SLC4A4: variants seen among roughly 807,000 people sequenced by gnomAD.
SLC4A4 encodes the protein electrogenic sodium bicarbonate cotransporter 1.
Under a neutral mutation model 111.5 loss-of-function variants are expected in SLC4A4, and 27 were observed. The ratio of observed to expected loss-of-function variants is 0.24; its 90% CI spans 0.18 to 0.33. The LOEUF is 0.33. Among genes scored for constraint, SLC4A4 ranks in the 10% least tolerant of loss-of-function variants. The pLI is 1.00. For synonymous variants in SLC4A4, 443 were observed against 463.4 expected (o/e 0.96, Z 0.57); for missense variants, 909 against 1,315.5 (o/e 0.69, Z 4.78).
intron 7 of SLC4A4, 127 bp from the exon 8 acceptor site, chr4:71,440,489 T>C (rs1005276849): frequency 5.0e-6 from 5 of 1,004,862 alleles, no homozygotes; most frequent in African/African-American, 4.8e-5. Flanking sequence ...GCATGTCAAT[T>C]TGTAAAAAGG....
At chr4:71,331,680 T>C (rs977714310) in intron 3 of SLC4A4, among the ~76,000 whole-genome samples, 2 of 150,132 alleles carry the variant, frequency 1.3e-5, no homozygotes, top group Admixed American at 6.7e-5. Flanking sequence ...TGTATACATA[T>C]GTAACAAACC....
intron 6 of SLC4A4, among the ~76,000 whole-genome samples, chr4:71,396,134 G>A (rs79732872): frequency 0.062 from 9,461 of 152,076 alleles, 450 homozygotes; most frequent in Non-Finnish European, 0.093. Flanking sequence ...CCTTCAAAGG[G>A]GTTCTTTTAA....
At chr4:71,399,944 G>A (rs1720205110) in intron 7 of SLC4A4, among the ~76,000 whole-genome samples, 1 of 152,108 alleles carries the variant, frequency 6.6e-6, no homozygotes, top group Non-Finnish European at 1.5e-5. Flanking sequence ...GGGTACATTG[G>A]TAGATACATA....
At chr4:71,084,912 A>G (rs1305501832) in intron 1 of SLC4A4, among the ~76,000 whole-genome samples, 1 of 152,068 alleles carries the variant, frequency 6.6e-6, no homozygotes, top group East Asian at 1.9e-4. Flanking sequence ...TCCTTTGGGT[A>G]TATACCCAGT....
At chr4:71,563,707 A>T in intron 23 of SLC4A4, 86 bp from the exon 24 acceptor site, 1 of 864,728 alleles carries the variant, frequency 1.2e-6, no homozygotes, top group South Asian at 1.3e-5. Flanking sequence ...GTAAATGATT[A>T]TAGAAAACGG....
chr4:71,525,890 T>C (rs1733372273), intron 16 of SLC4A4, among the ~76,000 whole-genome samples: 1 of 152,056 alleles, frequency 6.6e-6, no homozygotes, highest in Admixed American at 6.6e-5. Context: ...AAACAAATGA[T>C]GAAAGAAAAT....
At chr4:71,082,319 G>A (rs980460955) in intron 1 of SLC4A4, among the ~76,000 whole-genome samples, 7 of 147,568 alleles carry the variant, frequency 4.7e-5, no homozygotes, top group Non-Finnish European at 1.1e-4. Flanking sequence ...TTTCAAACAC[G>A]TTATTTGCAA....
intron 9 of SLC4A4, 35 bp from the exon 10 acceptor site, chr4:71,450,354 C>T (rs749569264): frequency 6.6e-7 from 1 of 1,523,290 alleles, no homozygotes; most frequent in Admixed American, 1.7e-5. Flanking sequence ...ACAGAGTTAT[C>T]TTTTTGGATG....
intron 6 of SLC4A4, among the ~76,000 whole-genome samples, chr4:71,364,442 T>C (rs1731062795): frequency 6.6e-6 from 1 of 152,162 alleles, no homozygotes; most frequent in Non-Finnish European, 1.5e-5. Context: ...ATAGCTTAGA[T>C]TGGGTAATTT....
chr4:71,237,149 G>C (rs1230985900), intron 2 of SLC4A4, among the ~76,000 whole-genome samples: 1 of 152,160 alleles, frequency 6.6e-6, no homozygotes, highest in Non-Finnish European at 1.5e-5. Context: ...GTTAGGAAAA[G>C]ATGGACAAGC....
intron 16 of SLC4A4, among the ~76,000 whole-genome samples, chr4:71,515,207 T>C (rs551128088): frequency 1.3e-5 from 2 of 152,172 alleles, no homozygotes; most frequent in African/African-American, 4.8e-5. Flanking sequence ...ATTTTTTTGA[T>C]TTTCATCTTA....
At chr4:71,510,484 C>A (rs1157127103) in intron 16 of SLC4A4, among the ~76,000 whole-genome samples, 1 of 152,098 alleles carries the variant, frequency 6.6e-6, no homozygotes, top group East Asian at 1.9e-4. Context: ...ATCCCTTTAT[C>A]ATTATATGAT....
At chr4:71,529,561 C>G (rs1259145467) in intron 16 of SLC4A4, among the ~76,000 whole-genome samples, 1 of 151,952 alleles carries the variant, frequency 6.6e-6, no homozygotes, top group Non-Finnish European at 1.5e-5. Context: ...GCTGAGAATG[C>G]CTCCTCTACC....
At chr4:71,196,604 C>T (rs775702126) in intron 1 of SLC4A4, among the ~76,000 whole-genome samples, 6 of 151,828 alleles carry the variant, frequency 4.0e-5, no homozygotes, top group African/African-American at 9.7e-5. Context: ...GTTGTCTACA[C>T]AGTATACTTT....
intron 2 of SLC4A4, among the ~76,000 whole-genome samples, chr4:71,147,935 T>C (rs940472737): frequency 1.3e-5 from 2 of 152,138 alleles, no homozygotes; most frequent in Non-Finnish European, 2.9e-5. Flanking sequence ...CTGGGCTGGT[T>C]TCAAGAAAGT....
intron 2 of SLC4A4, among the ~76,000 whole-genome samples, chr4:71,174,130 A>G (rs1337745102): frequency 1.3e-5 from 2 of 152,180 alleles, no homozygotes; most frequent in Non-Finnish European, 2.9e-5. Context: ...TACAACAGCT[A>G]TGAACTGGGT....
At chr4:71,424,685 G>A (rs1033377883) in intron 7 of SLC4A4, among the ~76,000 whole-genome samples, 25 of 151,976 alleles carry the variant, frequency 1.6e-4, no homozygotes, top group Non-Finnish European at 2.6e-4. Context: ...GTTCATATCC[G>A]TTGTAGGGAC....
intron 2 of SLC4A4, among the ~76,000 whole-genome samples, chr4:71,173,520 A>T (rs1166466954): frequency 6.6e-6 from 1 of 152,192 alleles, no homozygotes. Flanking sequence ...AGCTGGGATT[A>T]CAGGCACATG....
intron 9 of SLC4A4, among the ~76,000 whole-genome samples, chr4:71,450,174 T>C (rs1725625857): frequency 6.6e-6 from 1 of 152,174 alleles, no homozygotes; most frequent in Non-Finnish European, 1.5e-5. Context: ...CATAAAAACA[T>C]AGCTGTTTCT....
Sources: gnomAD v4.1 joint callset for allele counts (sites outside exome capture counted in the v4.1 genomes callset) on GRCh38, gnomAD v4.1.1 for gene constraint, MANE v1.5 for transcripts, NCBI Gene and HGNC (gene_info 2026-07-23, HGNC 2026-07-21) for gene names.